Variants in CD1A observed in about 807,000 individuals in gnomAD.
CD1A encodes the protein T-cell surface glycoprotein CD1a.
Under a neutral mutation model 38.3 loss-of-function variants are expected in CD1A, and 50 were observed. The ratio of observed to expected loss-of-function variants is 1.30; its 90% confidence interval spans 1.04 to 1.65. The LOEUF (loss-of-function observed/expected upper bound fraction) is 1.65, where lower values mean the gene tolerates loss of function less well. Among genes scored for constraint, CD1A ranks in the 40% most tolerant of loss-of-function variants. The pLI is 0.00. For missense variants in CD1A, 459 were observed against 406.1 expected, an observed-to-expected ratio of 1.13 and a Z score of -1.12; for synonymous variants, 160 against 150.8, an observed-to-expected ratio of 1.06 and a Z score of -0.45.
chr1:158,249,149 C>T, the CD1A span, among the ~76,000 whole-genome samples: 1 of 152,190 alleles, frequency 6.6e-6, no homozygotes, highest in African/African-American at 2.4e-5. Context: ...CAAACCTAAG[C>T]TGACTCCTCT....
At position 158,257,806 on chromosome 1, in the gene CD1A, G is replaced by T. The variant is rs746210698; in HGVS notation, c.*116G>T. ...TGATGACGTCCTCTCAACTCTCTTT[G>T]TAAAAATTTTGTTATTTTTGCTTGT... On this transcript the variant is annotated 3_prime_UTR_variant, in exon 6 of 6. Transcript: ENST00000289429. 2.1e-5 allele frequency: 19 copies of T among 892,000 alleles called. No homozygotes were observed. Among genetic ancestry groups the T allele is most frequent in the Non-Finnish European group, 2.9e-5 (16 of 558,476 alleles). 55.3% of individuals were successfully genotyped at this position (892,000 alleles called of 1,614,324 possible). A position where few individuals can be genotyped will look rare whatever the true frequency, so the allele number is the denominator to read the frequency against.
intron 1 of CD1A, 26 bp from the exon 2 acceptor site, chr1:158,255,058 C>T: frequency 6.2e-7 from 1 of 1,609,636 alleles, no homozygotes; most frequent in Non-Finnish European, 8.5e-7. Context: ...GTCTTTCTCC[C>T]CATTCTATCT....
At chr1:158,254,297 A>G, upstream of CD1A, 1 of 1,118,136 alleles carries the variant, frequency 8.9e-7, no homozygotes, top group Non-Finnish European at 1.1e-6. Context: ...ATTGGGCAGC[A>G]CACTGGGAGC....
In CD1A at chr1:158,256,290, C is replaced by G; in HGVS notation, c.604+8C>G. On this transcript the variant is annotated splice_region_variant and intron_variant, in intron 3 of 5. Transcript: ENST00000289429. ...CACATCTCCAGCGGCAAGGTCAGTC[C>G]TGCACTCTCCCTCCAAGAAGTTTTG... is the stretch of plus-strand genomic sequence containing the variant. 6.2e-7 allele frequency: 1 copy of G among 1,606,320 alleles called. No homozygotes were observed. Among genetic ancestry groups the G allele is most frequent in the Non-Finnish European group, 8.5e-7 (1 of 1,175,176 alleles).
In CD1A at chr1:158,257,981, T is replaced by C. The variant is rs921191191; in HGVS notation, c.*291T>C. On this transcript the variant is annotated 3_prime_UTR_variant, in exon 6 of 6. Coordinates refer to ENST00000289429, the MANE Select transcript of CD1A (RefSeq NM_001763.3). ...CTCCACATGTTCAACTATTAATGGA[T>C]CATCAGGCCTGTTTTAGATATCCCT... The C allele has an allele frequency of 5.2e-6, 2 of 387,712 alleles. No individual in the cohort carries two copies. Among genetic ancestry groups the C allele is most frequent in the African/African-American group, 4.1e-5 (2 of 49,066 alleles). The allele number at this position is 387,712 out of a possible 1,614,324, so 24.0% of individuals were successfully genotyped here.
upstream of CD1A, among the ~76,000 whole-genome samples, chr1:158,249,863 T>G (rs1650039470): frequency 6.6e-6 from 1 of 152,184 alleles, no homozygotes; most frequent in Non-Finnish European, 1.5e-5. Flanking sequence ...TTCCCCTTGC[T>G]GGGAAGAGGA....
Position 158,255,215 on chromosome 1 carries a change from A to G in CD1A, c.190A>G (p.Ile64Val). Residue 64 changes from isoleucine (I) to valine (V), a missense_variant, in exon 2 of 6, where the codon ATC becomes GTC. Ile to Val is a conservative substitution (Grantham distance 29). Transcript: ENST00000289429. ...THTWDSNSSTIVFLCPWSRGN... is the reference protein window; with the variant it reads ...THTWDSNSSTVVFLCPWSRGN... ...TACCTGGGACAGCAATTCCAGCACC[A>G]TCGTTTTCCTGTGCCCCTGGTCCAG... 5 of 1,614,098 alleles carry G rather than the reference A, an allele frequency of 3.1e-6. No homozygotes were observed. The highest frequency in any genetic ancestry group is 4.2e-6 in the Non-Finnish European group (5 of 1,179,996).
chr1:158,249,527 C>G (rs1370333633), upstream of CD1A, among the ~76,000 whole-genome samples: 1 of 152,140 alleles, frequency 6.6e-6, no homozygotes, highest in East Asian at 1.9e-4. Flanking sequence ...TTCCTAATAA[C>G]ATAACATTGG....
At chr1:158,251,446 T>G (rs2101627663), upstream of CD1A, among the ~76,000 whole-genome samples, 1 of 152,328 alleles carries the variant, frequency 6.6e-6, no homozygotes, top group East Asian at 1.9e-4. Context: ...CATTGCTCTG[T>G]TCCTAGGGTG....
rs985529155 is a variant in CD1A, at chr1:158,254,576, G to C, written c.-94G>C. 1 of 1,598,514 alleles carries C rather than the reference G, an allele frequency of 6.3e-7. No individual in the cohort carries two copies. The highest frequency in any genetic ancestry group is 1.3e-5 in the African/African-American group (1 of 74,776). On this transcript the variant is annotated 5_prime_UTR_variant, in exon 1 of 6. Coordinates refer to ENST00000289429, the MANE Select transcript of CD1A (RefSeq NM_001763.3). The stretch of plus-strand genomic sequence containing the variant: ...GAGGTTTGTCTGTTGGCTGCAGAAA[G>C]AAGTCAGAATAGAGATATCGTGGGG...
upstream of CD1A, among the ~76,000 whole-genome samples, chr1:158,250,593 C>T (rs1650061171): frequency 6.6e-6 from 1 of 152,206 alleles, no homozygotes; most frequent in Non-Finnish European, 1.5e-5. Flanking sequence ...TCTTCCCCAA[C>T]CATTTCTGCC....
chr1:158,256,895 G>A lies in CD1A; in HGVS notation c.714G>A (p.Met238Ile), dbSNP rs1210146573. The A allele has an allele frequency of 1.9e-6, 3 of 1,614,118 alleles. No individual in the cohort carries two copies. The highest frequency in any genetic ancestry group is 1.3e-5 in the African/African-American group (1 of 74,948). Reference protein sequence around the residue: ...FYPKPVWVMWMRGEQEQQGTQ... With the variant: ...FYPKPVWVMWIRGEQEQQGTQ... Reference sequence around the variant, plus strand: ...CAAAGCCCGTGTGGGTGATGTGGATGCGGGGTGAGCAGGAGCAGCAGGGCA... The same window carrying A: ...CAAAGCCCGTGTGGGTGATGTGGATACGGGGTGAGCAGGAGCAGCAGGGCA... Residue 238 changes from methionine (M) to isoleucine (I), a missense_variant, in exon 4 of 6, where the codon ATG becomes ATA. Met to Ile is a conservative substitution (Grantham distance 10). Transcript: ENST00000289429.
chr1:158,256,382 G>C, intron 3 of CD1A, 100 bp downstream of exon 3: 2 of 1,180,330 alleles, frequency 1.7e-6, no homozygotes, highest in Non-Finnish European at 2.4e-6. Flanking sequence ...CCCAGAAGTG[G>C]GAAAGGCTGG....
At chr1:158,256,706 G>C in intron 3 of CD1A, 80 bp from the exon 4 acceptor site, 2 of 1,446,740 alleles carry the variant, frequency 1.4e-6, no homozygotes, top group Non-Finnish European at 1.9e-6. Context: ...TGGGAACAAT[G>C]TGTCTATCTA....
intron 2 of CD1A, among the ~76,000 whole-genome samples, chr1:158,255,614 C>A (rs760224191): frequency 6.6e-6 from 1 of 152,196 alleles, no homozygotes; most frequent in Non-Finnish European, 1.5e-5. Context: ...CAGGACCACC[C>A]TTCTGCCTGC....
At chr1:158,249,907 A>G (rs1285176787), upstream of CD1A, among the ~76,000 whole-genome samples, 1 of 152,016 alleles carries the variant, frequency 6.6e-6, no homozygotes, top group African/African-American at 2.4e-5. Flanking sequence ...GGCCACTCCA[A>G]CCCTCCACAG....
upstream of CD1A, among the ~76,000 whole-genome samples, chr1:158,251,183 A>T (rs1202960165): frequency 6.6e-6 from 1 of 152,228 alleles, no homozygotes; most frequent in East Asian, 1.9e-4. Flanking sequence ...TATATCTGCT[A>T]TTTATTAAGT....
At chr1:158,255,919 TC>T in intron 2 of CD1A, 84 bp from the exon 3 acceptor site, 1 of 1,345,612 alleles carries the variant, frequency 7.4e-7, no homozygotes, top group Non-Finnish European at 1.0e-6. Flanking sequence ...CCTGCACACT[TC>T]CCCCTTCTGC....
chr1:158,254,271 G>T (rs1553254584), upstream of CD1A: 1 of 1,086,818 alleles, frequency 9.2e-7, no homozygotes. Context: ...ATCAAAAAGA[G>T]CAGGGACATG....
Sources: allele counts gnomAD v4.1 joint callset (sites outside exome capture counted in the v4.1 genomes callset), GRCh38; gene constraint gnomAD v4.1.1; transcripts MANE v1.5; gene names NCBI Gene and HGNC (gene_info 2026-07-23, HGNC 2026-07-21).